Variants in GOLGA7 observed in about 807,000 individuals in gnomAD.
GOLGA7 encodes golgin A7, also known as golgin subfamily A member 7.
Under a neutral mutation model 21.1 loss-of-function variants are expected in GOLGA7, and 10 were observed. The ratio of observed to expected loss-of-function variants is 0.47; its 90% CI spans 0.29 to 0.80. The LOEUF is 0.80. Among genes scored for constraint, GOLGA7 ranks in the 30% least tolerant of loss-of-function variants. GOLGA7 has a pLI of 0.08. For missense variants in GOLGA7, 114 were observed against 166.8 expected, an observed-to-expected ratio of 0.68 and a Z score of 1.74; for synonymous variants, 64 against 62.6, an observed-to-expected ratio of 1.02 and a Z score of -0.10.
At chr8:41,497,749 G>T in intron 2 of GOLGA7, 88 bp downstream of exon 2, 1 of 702,458 alleles carries the variant, frequency 1.4e-6, no homozygotes. Context: ...GGTGATAGTT[G>T]CCGTAAAATA....
intron 1 of GOLGA7, among the ~76,000 whole-genome samples, chr8:41,494,082 T>A (rs1805949562): frequency 6.6e-6 from 1 of 152,236 alleles, no homozygotes; most frequent in African/African-American, 2.4e-5. Context: ...TCCTTTCTTT[T>A]TCTTTTTTTA....
chr8:41,492,608 G>C (rs1480768121), intron 1 of GOLGA7, among the ~76,000 whole-genome samples: 1 of 152,220 alleles, frequency 6.6e-6, no homozygotes, highest in African/African-American at 2.4e-5. Flanking sequence ...GTTGCAGTGA[G>C]CCGAGATCAT....
At chr8:41,497,374 A>T in intron 1 of GOLGA7, 135 bp from the exon 2 acceptor site, 1 of 552,854 alleles carries the variant, frequency 1.8e-6, no homozygotes, top group South Asian at 2.6e-5. Context: ...CAGTTTTGGT[A>T]ACTTAGGCCC....
chr8:41,507,731 C>T (rs937012085), intron 4 of GOLGA7, among the ~76,000 whole-genome samples: 2 of 152,138 alleles, frequency 1.3e-5, no homozygotes, highest in Non-Finnish European at 2.9e-5. Context: ...GGCAGAGTCA[C>T]GTTGAAGCCC....
At chr8:41,492,389 C>T (rs896046103) in intron 1 of GOLGA7, among the ~76,000 whole-genome samples, 1 of 152,174 alleles carries the variant, frequency 6.6e-6, no homozygotes, top group African/African-American at 2.4e-5. Flanking sequence ...TGGCTGGGCC[C>T]GGTGGCTCAC....
At position 41,509,669 on chromosome 8, in the gene GOLGA7, A is replaced by C. The variant is rs1332167416; in HGVS notation, c.*101A>C. On this transcript the variant is annotated 3_prime_UTR_variant, in exon 5 of 5. Transcript: ENST00000357743. ...CCTCTCCAGAGCATCATTCCTTTCT[A>C]TCTGCTGCCAGAGCCACGGTGCCAT... 1 of 152,478 alleles carries C rather than the reference A, an allele frequency of 6.6e-6. No homozygotes were observed. The highest frequency in any genetic ancestry group is 1.9e-4 in the East Asian group (1 of 5,192). 9.4% of individuals were successfully genotyped at this position (152,478 alleles called of 1,614,324 possible).
rs552236558 is a variant in GOLGA7 at position 41,500,618 on chromosome 8, C to T, written c.264+2957C>T. On this transcript the variant is annotated intron_variant, in intron 2 of 4. Coordinates refer to ENST00000357743, the MANE Select transcript of GOLGA7 (RefSeq NM_001002296.2). ...ATTTTATTTATTTTTGTAATAGAGACAGGGTCTCACTGTGTTGTCCACGCT... is the reference window on the plus strand; with the variant it reads ...ATTTTATTTATTTTTGTAATAGAGATAGGGTCTCACTGTGTTGTCCACGCT... Among the ~76,000 whole-genome samples, 5 of 152,304 alleles carry T rather than the reference C, an allele frequency of 3.3e-5. No homozygotes were observed. The South Asian group carries it at 6.2e-4, about 19-fold the overall frequency.
chr8:41,501,207 A>G (rs1806142203), intron 2 of GOLGA7, among the ~76,000 whole-genome samples: 1 of 152,180 alleles, frequency 6.6e-6, no homozygotes, highest in Non-Finnish European at 1.5e-5. Context: ...TCTTGGACAA[A>G]TTAATCTCTC....
Position 41,490,835 on chromosome 8 carries a change from C to G in GOLGA7, c.-20C>G. The G allele has an allele frequency of 6.8e-7, 1 of 1,464,320 alleles. No homozygotes were observed. Among genetic ancestry groups the G allele is most frequent in the South Asian group, 1.2e-5 (1 of 83,530 alleles). The allele number at this position is 1,464,320 out of a possible 1,614,324, so 90.7% of individuals were successfully genotyped here. On this transcript the variant is annotated 5_prime_UTR_variant, in exon 1 of 5. Coordinates refer to ENST00000357743, the MANE Select transcript of GOLGA7 (RefSeq NM_001002296.2). Reference sequence around the variant, plus strand: ...TTGGTGTTCCCCCGACCCCGCAGCGCGGGGTGTCCTGTCCTCGCCATGAGG... The same window carrying G: ...TTGGTGTTCCCCCGACCCCGCAGCGGGGGGTGTCCTGTCCTCGCCATGAGG...
chr8:41,490,689 G>A lies in GOLGA7; in HGVS notation c.-166G>A, dbSNP rs114077676. ...GGGCCAGGCGGCAGCTAAGGCCCGC[G>A]GTGACAGCATGGGTGAAGGGGAGCG... On this transcript the variant is annotated 5_prime_UTR_variant, in exon 1 of 5. Transcript: ENST00000357743. 9.8e-3 allele frequency: 5,436 copies of A among 556,578 alleles called. 228 individuals are homozygous for A. The African/African-American group carries it at 0.1, about 10-fold the overall frequency. 34.5% of individuals were successfully genotyped at this position (556,578 alleles called of 1,614,324 possible).
At position 41,490,973 on chromosome 8, in the gene GOLGA7, AC is replaced by A; in HGVS notation, c.111+10del. 1 of 1,467,280 alleles carries A rather than the reference AC, an allele frequency of 6.8e-7. No homozygotes were observed. The highest frequency in any genetic ancestry group is 9.4e-7 in the Non-Finnish European group (1 of 1,063,670). The allele number at this position is 1,467,280 out of a possible 1,614,324, so 90.9% of individuals were successfully genotyped here. ...GCGGAGCTGGAGAACCGGGTACGCA[AC>A]CTGGCTCCCCACGCCTGCTCTGGCG... On this transcript the variant is annotated intron_variant, in intron 1 of 4. Coordinates refer to ENST00000357743, the MANE Select transcript of GOLGA7 (RefSeq NM_001002296.2).
At chr8:41,502,618 G>A (rs1291300085) in intron 2 of GOLGA7, 5 of 152,136 alleles carry the variant, frequency 3.3e-5, no homozygotes, top group African/African-American at 1.2e-4. Flanking sequence ...TTCTGCCTAT[G>A]TGCTGTAATC....
chr8:41,501,898 G>A (rs757527239), intron 2 of GOLGA7, among the ~76,000 whole-genome samples: 57 of 152,212 alleles, frequency 3.7e-4, no homozygotes, highest in Non-Finnish European at 1.5e-4. Flanking sequence ...GAAATACAAT[G>A]GAAATTGGTT....
At chr8:41,498,200 C>T (rs1360455144) in intron 2 of GOLGA7, among the ~76,000 whole-genome samples, 1 of 152,178 alleles carries the variant, frequency 6.6e-6, no homozygotes, top group Admixed American at 6.5e-5. Context: ...CAGTCATTAA[C>T]TTTTTGTGAT....
chr8:41,503,984 C>T (rs59151993), intron 2 of GOLGA7, among the ~76,000 whole-genome samples: 18 of 135,700 alleles, frequency 1.3e-4, no homozygotes, highest in Admixed American at 1.5e-4. Context: ...GTCGGGGGAG[C>T]GGGGAGGGAT....
intron 4 of GOLGA7, among the ~76,000 whole-genome samples, chr8:41,508,994 C>T (rs1344855343): frequency 1.3e-5 from 2 of 152,174 alleles, no homozygotes; most frequent in African/African-American, 4.8e-5. Flanking sequence ...TTAAAAGGAG[C>T]TTTAAACAAA....
intron 1 of GOLGA7, among the ~76,000 whole-genome samples, chr8:41,492,374 G>A (rs937456529): frequency 5.3e-5 from 8 of 152,204 alleles, no homozygotes; most frequent in Non-Finnish European, 1.0e-4. Context: ...GATTGACATG[G>A]AATCTGGCTG....
intron 4 of GOLGA7, among the ~76,000 whole-genome samples, chr8:41,508,012 C>A (rs1180535978): frequency 6.6e-6 from 1 of 152,222 alleles, no homozygotes; most frequent in Non-Finnish European, 1.5e-5. Flanking sequence ...ACTTCTGAAT[C>A]TCACAAGAAC....
chr8:41,506,459 C>A (rs991254480), intron 3 of GOLGA7, among the ~76,000 whole-genome samples: 1 of 152,030 alleles, frequency 6.6e-6, no homozygotes, highest in Non-Finnish European at 1.5e-5. Flanking sequence ...ATTTCATTAC[C>A]TTTGACATAC....
Sources: gnomAD v4.1 joint callset for allele counts (sites outside exome capture counted in the v4.1 genomes callset) on GRCh38, gnomAD v4.1.1 for gene constraint, MANE v1.5 for transcripts, NCBI Gene and HGNC (gene_info 2026-07-23, HGNC 2026-07-21) for gene names.